The following KIF13B variants were observed in gnomAD, a reference collection of about 807,000 sequenced individuals.
KIF13B encodes the protein kinesin family member 13B.
In KIF13B, 127 loss-of-function variants were observed where a neutral mutation model predicts 222.0. That is an observed-to-expected ratio of 0.57 (90% confidence interval 0.50 to 0.66). The LOEUF (loss-of-function observed/expected upper bound fraction) is 0.66, where lower values mean the gene tolerates loss of function less well. Among genes scored for constraint, KIF13B ranks in the 30% least tolerant of loss-of-function variants. The pLI is 0.00. For synonymous variants in KIF13B, 976 were observed against 919.0 expected (o/e 1.06, Z -1.12); for missense variants, 2,173 against 2,379.0 (o/e 0.91, Z 1.80).
intron 37 of KIF13B, among the ~76,000 whole-genome samples, chr8:29,085,974 A>C (rs968568613): frequency 6.6e-6 from 1 of 152,038 alleles, no homozygotes; most frequent in African/African-American, 2.4e-5. Context: ...TGCTTTAGCA[A>C]AACCATCCCT....
intron 2 of KIF13B, among the ~76,000 whole-genome samples, chr8:29,205,748 A>AG (rs1223635155): frequency 1.3e-5 from 2 of 152,144 alleles, no homozygotes; most frequent in Non-Finnish European, 2.9e-5. Context: ...AACCAGTGGT[A>AG]GGTCTAGAGT....
chr8:29,202,727 C>T (rs887138503), intron 2 of KIF13B, among the ~76,000 whole-genome samples: 6 of 152,128 alleles, frequency 3.9e-5, no homozygotes, highest in Non-Finnish European at 8.8e-5. Context: ...TGTGAAGCTG[C>T]CTTAGATTCA....
intron 37 of KIF13B, among the ~76,000 whole-genome samples, chr8:29,086,225 G>A (rs942848379): frequency 3.3e-5 from 5 of 152,192 alleles, no homozygotes; most frequent in African/African-American, 1.2e-4. Flanking sequence ...GGTGGGGGCT[G>A]GGGTTTTGTT....
chr8:29,103,818 GGGACCCCAA>G, intron 35 of KIF13B, among the ~76,000 whole-genome samples: 1 of 152,042 alleles, frequency 6.6e-6, no homozygotes, highest in East Asian at 1.9e-4. Context: ...AAGTTACTCG[GGGACCCCAA>G]GGAACCAAGA....
In KIF13B at chr8:29,167,555, T is replaced by C. The variant is rs775729940; in HGVS notation, c.976A>G (p.Met326Val). Residue 326 changes from methionine to valine, a missense_variant, in exon 11 of 40, where the codon ATG (methionine) becomes GTG (valine). Around this residue, in one of 2 missense-constraint regions of KIF13B, gnomAD observed 1,480 missense variants for 1,722.8 expected, o/e 0.86. Coordinates refer to ENST00000524189, the MANE Select transcript of KIF13B (RefSeq NM_015254.4). ...GCTGCAGGACTCACAGTAGCCACCATGGCGGTCTTGCTGTTACCCCCGAGG... is the reference window on the plus strand; with the variant it reads ...GCTGCAGGACTCACAGTAGCCACCACGGCGGTCTTGCTGTTACCCCCGAGG... ...DSLGGNSKTA[M>V]VATVSPAADN... The C allele has an allele frequency of 1.7e-5, 28 of 1,613,916 alleles. No homozygotes were observed. The highest frequency in any genetic ancestry group is 1.7e-5 in the Admixed American group (1 of 60,010).
At chr8:29,198,932 AG>A (rs1481155312) in intron 2 of KIF13B, among the ~76,000 whole-genome samples, 7 of 152,082 alleles carry the variant, frequency 4.6e-5, no homozygotes, top group Non-Finnish European at 7.4e-5. Flanking sequence ...GGGGAGCAGG[AG>A]GGGTGAAGGA....
rs138882643 is a variant in KIF13B at position 29,101,851 on chromosome 8, C to G, written c.4216-2610G>C. On this transcript the variant is annotated intron_variant, in intron 35 of 39. Coordinates refer to ENST00000524189, the MANE Select transcript of KIF13B (RefSeq NM_015254.4). Reference sequence around the variant, plus strand: ...CAGATGCTAAACTGGGTACCACGCGCTTCCCTCCTCCAGCTGACGCCTACG... The same window carrying G: ...CAGATGCTAAACTGGGTACCACGCGGTTCCCTCCTCCAGCTGACGCCTACG... Among the ~76,000 whole-genome samples the G allele has an allele frequency of 3.5e-4, 53 of 152,294 alleles. 2 individuals are homozygous for G. The East Asian group carries it at 8.3e-3, about 24-fold the overall frequency.
chr8:29,254,969 A>C (rs1816422373), intron 1 of KIF13B, among the ~76,000 whole-genome samples: 1 of 152,260 alleles, frequency 6.6e-6, no homozygotes, highest in Non-Finnish European at 1.5e-5. Flanking sequence ...AAAAGAATGA[A>C]GTATTGATTC....
chr8:29,134,243 T>C (rs1810465764), intron 21 of KIF13B, 33 bp from the exon 22 acceptor site: 7 of 1,603,634 alleles, frequency 4.4e-6, no homozygotes, highest in Non-Finnish European at 6.0e-6. Context: ...TGTTTTGAAA[T>C]CTGAGGGTTC....
intron 24 of KIF13B, among the ~76,000 whole-genome samples, chr8:29,129,014 G>T (rs1810233600): frequency 1.3e-5 from 2 of 152,014 alleles, no homozygotes; most frequent in South Asian, 4.1e-4. Context: ...TATCCAAATG[G>T]ACCTAATTTA....
At chr8:29,167,673 A>G in intron 10 of KIF13B, 88 bp from the exon 11 acceptor site, 1 of 1,096,888 alleles carries the variant, frequency 9.1e-7, no homozygotes, top group Non-Finnish European at 1.4e-6. Context: ...TGGTGAACAA[A>G]TTTCCCCAGG....
chr8:29,171,758 T>TC (rs1212746032), intron 10 of KIF13B, among the ~76,000 whole-genome samples: 29 of 146,648 alleles, frequency 2.0e-4, no homozygotes, highest in African/African-American at 7.5e-4. Context: ...TTTTTTTTCT[T>TC]CTTTTTTTTT....
intron 2 of KIF13B, among the ~76,000 whole-genome samples, chr8:29,215,406 G>A (rs1015875860): frequency 2.6e-5 from 4 of 152,170 alleles, no homozygotes; most frequent in East Asian, 3.8e-4. Context: ...ACAGTATGCC[G>A]ACCAGGTGTG....
At chr8:29,085,752 G>C (rs1808022313) in intron 37 of KIF13B, among the ~76,000 whole-genome samples, 1 of 121,290 alleles carries the variant, frequency 8.2e-6, no homozygotes, top group Non-Finnish European at 1.6e-5. Flanking sequence ...AGCCAGGCTG[G>C]GATGGGAGGA....
chr8:29,122,714 A>T lies in KIF13B; in HGVS notation c.3480-68T>A, dbSNP rs1028070137. 2.4e-6 allele frequency: 3 copies of T among 1,256,732 alleles called. No homozygotes were observed. The African/African-American group carries it at 4.4e-5, about 19-fold the overall frequency. The allele number at this position is 1,256,732 out of a possible 1,614,324, so 77.8% of individuals were successfully genotyped here. A position where few individuals can be genotyped will look rare whatever the true frequency, so the allele number is the denominator to read the frequency against. On this transcript the variant is annotated intron_variant, in intron 28 of 39. Coordinates refer to ENST00000524189, the MANE Select transcript of KIF13B (RefSeq NM_015254.4). ...CTCAGTGGCATGCACGTAGGAACAC[A>T]GCCTTAATGGCATTCAGGGCTGTTA...
chr8:29,110,435 G>A, intron 32 of KIF13B: 1 of 244,420 alleles, frequency 4.1e-6, no homozygotes, highest in South Asian at 4.8e-5. Flanking sequence ...ACTCCTGAGG[G>A]ACAGAGAAAG....
chr8:29,178,258 C>T (rs1812564577), intron 8 of KIF13B, among the ~76,000 whole-genome samples: 1 of 151,506 alleles, frequency 6.6e-6, no homozygotes, highest in African/African-American at 2.4e-5. Context: ...AATCCTGAGA[C>T]AAAACACTTG....
chr8:29,256,260 C>G (rs1455095245), intron 1 of KIF13B, among the ~76,000 whole-genome samples: 2 of 152,188 alleles, frequency 1.3e-5, no homozygotes, highest in Non-Finnish European at 2.9e-5. Context: ...GTTAATGACA[C>G]CAGCATTCAC....
At chr8:29,085,008 A>T (rs1807981050) in intron 37 of KIF13B, among the ~76,000 whole-genome samples, 1 of 152,264 alleles carries the variant, frequency 6.6e-6, no homozygotes, top group Non-Finnish European at 1.5e-5. Context: ...TGAGAAACAT[A>T]AGTCCTTATG....
Sources: allele counts gnomAD v4.1 joint callset (sites outside exome capture counted in the v4.1 genomes callset), GRCh38; gene constraint gnomAD v4.1.1; regional missense constraint gnomAD v4.1.1; transcripts MANE v1.5; gene names NCBI Gene and HGNC (gene_info 2026-07-23, HGNC 2026-07-21).